The following PTPRT variants were observed in gnomAD, a reference collection of about 807,000 sequenced individuals.
PTPRT encodes receptor-type tyrosine-protein phosphatase T.
A neutral mutation model predicts 176.8 loss-of-function variants in PTPRT; 56 were observed. The observed-to-expected ratio is 0.32, with a 90% CI of 0.26 to 0.40. PTPRT has a LOEUF of 0.40. Among genes scored for constraint, PTPRT ranks in the 10% least tolerant of loss-of-function variants. PTPRT has a pLI of 1.00. For synonymous variants in PTPRT, 783 were observed against 739.0 expected (o/e 1.06, Z -0.96); for missense variants, 1,540 against 1,908.2 (o/e 0.81, Z 3.60).
intron 1 of PTPRT, chr20:42,968,752 A>T (rs1430639814): frequency 1.3e-5 from 2 of 152,190 alleles, no homozygotes; most frequent in African/African-American, 4.8e-5. Context: ...CATCAGCTGA[A>T]GTCTCACAGC....
intron 16 of PTPRT, among the ~76,000 whole-genome samples, chr20:42,197,399 A>G (rs895985213): frequency 5.3e-5 from 8 of 150,282 alleles, no homozygotes; most frequent in African/African-American, 1.9e-4. Flanking sequence ...AAAAAAAAAA[A>G]AAGTCAGTAT....
chr20:42,155,116 AC>A (rs1369265471), intron 17 of PTPRT, among the ~76,000 whole-genome samples: 1 of 152,050 alleles, frequency 6.6e-6, no homozygotes, highest in Non-Finnish European at 1.5e-5. Context: ...TATATATCCC[AC>A]CCCCAGTGAT....
intron 2 of PTPRT, among the ~76,000 whole-genome samples, chr20:42,795,600 G>A (rs2077443345): frequency 6.6e-6 from 1 of 152,258 alleles, no homozygotes; most frequent in Non-Finnish European, 1.5e-5. Context: ...GGTCCCTGCA[G>A]ACAGGTGGCC....
intron 7 of PTPRT, among the ~76,000 whole-genome samples, chr20:42,519,514 A>G (rs1167876990): frequency 6.6e-6 from 1 of 152,128 alleles, no homozygotes; most frequent in Admixed American, 6.6e-5. Flanking sequence ...ATTTATTATG[A>G]TGTCTTTGTT....
At chr20:42,927,212 G>A (rs1979545981) in intron 1 of PTPRT, among the ~76,000 whole-genome samples, 2 of 152,194 alleles carry the variant, frequency 1.3e-5, no homozygotes, top group African/African-American at 4.8e-5. Context: ...TGCCTCATAA[G>A]TTAATGGGAA....
intron 19 of PTPRT, among the ~76,000 whole-genome samples, chr20:42,125,781 C>T (rs1352827857): frequency 1.3e-5 from 2 of 152,202 alleles, no homozygotes; most frequent in East Asian, 1.9e-4. Flanking sequence ...GTCAGATGCT[C>T]ATTCAACTTT....
At chr20:42,839,519 G>C (rs2078241193) in intron 2 of PTPRT, among the ~76,000 whole-genome samples, 1 of 152,136 alleles carries the variant, frequency 6.6e-6, no homozygotes, top group Non-Finnish European at 1.5e-5. Flanking sequence ...TTATTTAAGG[G>C]CAGTTGGAGA....
chr20:42,564,085 T>C (rs947048942), intron 7 of PTPRT, among the ~76,000 whole-genome samples: 3 of 152,170 alleles, frequency 2.0e-5, no homozygotes, highest in Non-Finnish European at 1.5e-5. Flanking sequence ...TGGAGGTGAC[T>C]CATTTCTTCC....
At chr20:43,043,265 G>A (rs983687222) in intron 1 of PTPRT, among the ~76,000 whole-genome samples, 3 of 152,082 alleles carry the variant, frequency 2.0e-5, no homozygotes, top group Non-Finnish European at 2.9e-5. Context: ...GAGGCATTGG[G>A]AACATCCTTT....
intron 1 of PTPRT, among the ~76,000 whole-genome samples, chr20:43,032,141 T>A (rs980988963): frequency 3.3e-5 from 5 of 152,074 alleles, no homozygotes; most frequent in African/African-American, 1.2e-4. Flanking sequence ...GAAACCTGAG[T>A]CCCTTGTCTG....
intron 6 of PTPRT, among the ~76,000 whole-genome samples, chr20:42,748,518 C>T (rs894685771): frequency 6.6e-6 from 1 of 152,138 alleles, no homozygotes; most frequent in African/African-American, 2.4e-5. Flanking sequence ...GCTGCTGCCA[C>T]CAAGGAGGCA....
At chr20:42,036,014 G>A in the PTPRT span, among the ~76,000 whole-genome samples, 1 of 152,304 alleles carries the variant, frequency 6.6e-6, no homozygotes, top group African/African-American at 2.4e-5. Flanking sequence ...TAGGGGAAGT[G>A]TGACAAGTAA....
intron 17 of PTPRT, among the ~76,000 whole-genome samples, chr20:42,158,791 TA>T (rs1989463315): frequency 1.3e-5 from 2 of 152,258 alleles, no homozygotes; most frequent in Non-Finnish European, 2.9e-5. Flanking sequence ...CTGATTAATA[TA>T]ATTTGGACTA....
At chr20:42,064,581 C>T in the PTPRT span, among the ~76,000 whole-genome samples, 1 of 152,036 alleles carries the variant, frequency 6.6e-6, no homozygotes, top group Non-Finnish European at 1.5e-5. Flanking sequence ...TTAGTTTATT[C>T]TACAAGTATG....
intron 1 of PTPRT, among the ~76,000 whole-genome samples, chr20:42,986,704 T>C (rs1983597933): frequency 6.6e-6 from 1 of 152,214 alleles, no homozygotes; most frequent in Non-Finnish European, 1.5e-5. Flanking sequence ...CATGGATTTA[T>C]CTCATTTGAG....
chr20:42,343,057 T>C (rs1282375428), intron 11 of PTPRT, among the ~76,000 whole-genome samples: 1 of 152,130 alleles, frequency 6.6e-6, no homozygotes, highest in African/African-American at 2.4e-5. Context: ...TCCTCCAGGC[T>C]AGAGTTCCCA....
At chr20:42,100,002 C>G (rs1043576516) in intron 26 of PTPRT, among the ~76,000 whole-genome samples, 1 of 152,224 alleles carries the variant, frequency 6.6e-6, no homozygotes, top group Non-Finnish European at 1.5e-5. Context: ...AGACTTGGGG[C>G]TCCAATCCTT....
Position 42,800,233 on chromosome 20 carries a change from C to T in PTPRT, c.215-8767G>A, listed in dbSNP as rs571160403. Among the ~76,000 whole-genome samples the T allele has an allele frequency of 2.0e-4, 30 of 152,292 alleles. No individual in the cohort carries two copies. The South Asian group carries it at 5.8e-3, about 30-fold the overall frequency. On this transcript the variant is annotated intron_variant, in intron 2 of 30. Coordinates refer to ENST00000373187, the MANE Select transcript of PTPRT (RefSeq NM_007050.6). Reference sequence around the variant, plus strand: ...CACAGCTGGTAGCAGAGCCAGGATTCAAACCTAGGAAGTTATAATTCTCAT... The same window carrying T: ...CACAGCTGGTAGCAGAGCCAGGATTTAAACCTAGGAAGTTATAATTCTCAT...
intron 14 of PTPRT, 45 bp from the exon 15 acceptor site, chr20:42,236,303 G>A (rs2056241310): frequency 4.1e-6 from 6 of 1,452,314 alleles, no homozygotes; most frequent in Admixed American, 1.8e-5. Flanking sequence ...TCCAAAATGG[G>A]GGAAAAAGAA....
Sources: gnomAD v4.1 joint callset for allele counts (sites outside exome capture counted in the v4.1 genomes callset) on GRCh38, gnomAD v4.1.1 for gene constraint, MANE v1.5 for transcripts, NCBI Gene and HGNC (gene_info 2026-07-23, HGNC 2026-07-21) for gene names.